SOX6: variants seen among roughly 807,000 people sequenced by gnomAD.
SOX6 encodes the protein transcription factor SOX-6.
Under a neutral mutation model 97.8 loss-of-function variants are expected in SOX6, and 11 were observed. That is an observed-to-expected ratio of 0.11 (90% CI 0.07 to 0.19). The LOEUF (loss-of-function observed/expected upper bound fraction) is 0.19. SOX6 is among the 10% of genes least tolerant of loss of function. SOX6 has a pLI of 1.00. For synonymous variants in SOX6, 360 were observed against 371.4 expected (o/e 0.97, Z 0.35); for missense variants, 810 against 1,039.5 (o/e 0.78, Z 3.04).
At position 16,132,436 on chromosome 11, in the gene SOX6, AGAAAGAAAAAAGAAAGAAAGAAAG is replaced by A. The variant is rs1564972584; in HGVS notation, c.778-20537_778-20514del. Among the ~76,000 whole-genome samples the A allele has an allele frequency of 7.1e-5, 6 of 84,682 alleles. 1 individual carries two copies. Among genetic ancestry groups the A allele is most frequent in the Admixed American group, 4.4e-4 (3 of 6,830 alleles). The allele number at this position is 84,682 out of a possible 152,430, so 55.6% of individuals were successfully genotyped here. On this transcript the variant is annotated intron_variant, in intron 6 of 15. Transcript: ENST00000683767. ...AAGAAAGAAAGAAAGAAAGAAAGAA[AGAAAGAAAAAAGAAAGAAAGAAAG>A]AAAGAAAGAAAGAAAGAAAGAAAGA...
At chr11:16,366,258 T>C (rs753267268) in intron 1 of SOX6, among the ~76,000 whole-genome samples, 2 of 152,112 alleles carry the variant, frequency 1.3e-5, no homozygotes, top group Non-Finnish European at 2.9e-5. Flanking sequence ...AGTTCTCCCA[T>C]ACAGTGTTTA....
At chr11:15,981,024 T>G (rs182126082) in intron 15 of SOX6, among the ~76,000 whole-genome samples, 16 of 152,182 alleles carry the variant, frequency 1.1e-4, no homozygotes, top group Non-Finnish European at 1.9e-4. Context: ...ACATAGCTGG[T>G]TTCAAATAGG....
At chr11:16,354,332 A>G (rs907930320) in intron 1 of SOX6, among the ~76,000 whole-genome samples, 2 of 152,146 alleles carry the variant, frequency 1.3e-5, no homozygotes, top group Non-Finnish European at 2.9e-5. Flanking sequence ...AACAAATAAA[A>G]ATCCTTAAAG....
chr11:16,480,427 A>C (rs1344840274), upstream of SOX6, among the ~76,000 whole-genome samples: 1 of 152,166 alleles, frequency 6.6e-6, no homozygotes, highest in East Asian at 1.9e-4. Flanking sequence ...ATTACAGGGC[A>C]ACTTCAAATG....
intron 4 of SOX6, among the ~76,000 whole-genome samples, chr11:16,516,264 A>T (rs1416381870): frequency 6.6e-6 from 1 of 151,846 alleles, no homozygotes; most frequent in South Asian, 2.1e-4. Context: ...GGTCCTTCAC[A>T]TCCCTTGTAA....
At chr11:16,015,883 T>C (rs777546854) in intron 12 of SOX6, among the ~76,000 whole-genome samples, 4 of 152,080 alleles carry the variant, frequency 2.6e-5, no homozygotes, top group African/African-American at 4.8e-5. Context: ...GTTGTGCTTA[T>C]GAATGAATGA....
chr11:16,685,625 A>G (rs1847963007), intron 3 of SOX6, among the ~76,000 whole-genome samples: 3 of 152,270 alleles, frequency 2.0e-5, no homozygotes, highest in African/African-American at 7.2e-5. Flanking sequence ...TGCAGGATGC[A>G]GCCCCCACAG....
Position 16,055,770 on chromosome 11 carries a change from G to A in SOX6, c.1233C>T (p.Ser411=). ...TGIKNEKRGT[S]PVTQVKDEAA... ...AGTGTACCTTAACTTGAGTTACAGG[G>A]CTGGTCCCTCTCTTTTCATTTTTTA... Residue 411 remains serine (S), a synonymous_variant, in exon 10 of 16, where the codon AGC becomes AGT. Transcript: ENST00000683767. 6.2e-7 allele frequency: 1 copy of A among 1,613,578 alleles called. No individual in the cohort carries two copies. Among genetic ancestry groups the A allele is most frequent in the African/African-American group, 1.3e-5 (1 of 74,974 alleles).
In SOX6 at chr11:16,044,966, G is replaced by GTCTATCTATCTA. The variant is rs67426027; in HGVS notation, c.1623+1536_1623+1547dup. ...TATCTATCTATCTATCTGTCTATCT[G>GTCTATCTATCTA]TCTATCTATCTATCTATCTATCTAT... is the stretch of plus-strand genomic sequence containing the variant. On this transcript the variant is annotated intron_variant, in intron 12 of 15. Coordinates refer to ENST00000683767, the MANE Select transcript of SOX6 (RefSeq NM_001367873.1). 9.1e-3 allele frequency among the ~76,000 whole-genome samples: 1,375 copies of GTCTATCTATCTA among 151,266 alleles called. 15 individuals are homozygous for GTCTATCTATCTA. The highest frequency in any genetic ancestry group is 0.032 in the African/African-American group (1,298 of 41,116).
chr11:16,389,969 TA>T lies in SOX6; in HGVS notation c.-4-48718del, dbSNP rs536056301. 7.1e-3 allele frequency among the ~76,000 whole-genome samples: 299 copies of T among 41,834 alleles called. 6 individuals carry two copies. Among genetic ancestry groups the T allele is most frequent in the South Asian group, 0.019 (10 of 524 alleles). 27.4% of individuals were successfully genotyped at this position (41,834 alleles called of 152,430 possible). Reference sequence around the variant, plus strand: ...TGGGCGACAGGGCAAGACTCCGTCTTAAAAAAAAAAAAAAAAAAAAAAAAAA... The same window carrying T: ...TGGGCGACAGGGCAAGACTCCGTCTTAAAAAAAAAAAAAAAAAAAAAAAAA... On this transcript the variant is annotated intron_variant, in intron 1 of 15. Coordinates refer to the SOX6 transcript ENST00000396356.
intron 12 of SOX6, among the ~76,000 whole-genome samples, chr11:16,046,184 CT>C (rs1855824736): frequency 6.6e-6 from 1 of 152,084 alleles, no homozygotes; most frequent in Non-Finnish European, 1.5e-5. Context: ...ATGTGTCTTC[CT>C]TTTTTAATAT....
At chr11:16,369,966 C>T (rs560617680) in intron 1 of SOX6, among the ~76,000 whole-genome samples, 54 of 152,264 alleles carry the variant, frequency 3.5e-4, no homozygotes, top group African/African-American at 1.2e-3. Flanking sequence ...TATGTTTCCA[C>T]CAGCAATGGC....
rs192647883 is a variant in SOX6, at chr11:16,321,158, G to C, written c.238-2505C>G. 2.7e-5 allele frequency among the ~76,000 whole-genome samples: 4 copies of C among 150,838 alleles called. No homozygotes were observed. In the South Asian group the frequency reaches 8.4e-4, roughly 32 times the overall value. On this transcript the variant is annotated intron_variant, in intron 2 of 15. Coordinates refer to ENST00000683767, the MANE Select transcript of SOX6 (RefSeq NM_001367873.1). ...CCATTTAAACCTCTTAATAAAGTCC[G>C]TATTAGACATCTGACCAAGGCTTTT... is the stretch of plus-strand genomic sequence containing the variant.
intron 1 of SOX6, among the ~76,000 whole-genome samples, chr11:16,462,684 CCCTGTGCCTGGCA>C (rs1459799392): frequency 1.3e-5 from 2 of 152,122 alleles, no homozygotes; most frequent in African/African-American, 4.8e-5. Context: ...CAAACCAAGC[CCCTGTGCCTGGCA>C]CCTGCCAGGC....
chr11:16,459,571 A>G (rs1324479383), intron 1 of SOX6, among the ~76,000 whole-genome samples: 2 of 152,098 alleles, frequency 1.3e-5, no homozygotes, highest in Admixed American at 1.3e-4. Flanking sequence ...CTTGCATTTC[A>G]TTTGTTCATG....
intron 4 of SOX6, among the ~76,000 whole-genome samples, chr11:16,562,314 G>A (rs1488505700): frequency 2.0e-5 from 3 of 152,076 alleles, no homozygotes; most frequent in Non-Finnish European, 2.9e-5. Context: ...AATGACACTG[G>A]TGAATTTCCT....
chr11:16,068,241 C>T (rs1848139124), intron 9 of SOX6, among the ~76,000 whole-genome samples: 1 of 152,142 alleles, frequency 6.6e-6, no homozygotes, highest in African/African-American at 2.4e-5. Flanking sequence ...ATGCTGATGA[C>T]CACTTCTTTG....
At chr11:16,457,689 T>A (rs1279364846) in intron 1 of SOX6, among the ~76,000 whole-genome samples, 1 of 152,034 alleles carries the variant, frequency 6.6e-6, no homozygotes, top group African/African-American at 2.4e-5. Context: ...ATGTTTGCAT[T>A]TATGCTATTT....
intron 7 of SOX6, among the ~76,000 whole-genome samples, chr11:16,103,214 A>G (rs1205621228): frequency 2.0e-5 from 3 of 152,002 alleles, no homozygotes; most frequent in Non-Finnish European, 4.4e-5. Flanking sequence ...TGGGCAAAGG[A>G]CATGAATAGA....
Sources: allele counts gnomAD v4.1 joint callset (sites outside exome capture counted in the v4.1 genomes callset), GRCh38; gene constraint gnomAD v4.1.1; transcripts MANE v1.5; gene names NCBI Gene and HGNC (gene_info 2026-07-23, HGNC 2026-07-21).